RBFOX1: variants seen among roughly 807,000 people sequenced by gnomAD.
RBFOX1 encodes the protein RNA binding fox-1 homolog 1.
RBFOX1 carries 8 observed loss-of-function variants against 57.7 expected under a neutral mutation model. That is an observed-to-expected ratio of 0.14 (90% CI 0.08 to 0.25). The LOEUF (loss-of-function observed/expected upper bound fraction) is 0.25, where lower values mean the gene tolerates loss of function less well. RBFOX1 is among the 10% of genes least tolerant of loss of function. RBFOX1 has a pLI of 1.00. For synonymous variants in RBFOX1, 326 were observed against 222.4 expected, an observed-to-expected ratio of 1.47 and a Z score of -4.15; for missense variants, 611 against 548.5, an observed-to-expected ratio of 1.11 and a Z score of -1.14.
At chr16:7,412,969 G>A (rs1023972065) in intron 4 of RBFOX1, among the ~76,000 whole-genome samples, 1 of 152,174 alleles carries the variant, frequency 6.6e-6, no homozygotes, top group Non-Finnish European at 1.5e-5. Context: ...GTGAACCCGG[G>A]AGGCGGAGCT....
intron 4 of RBFOX1, among the ~76,000 whole-genome samples, chr16:7,330,548 A>AGAGG (rs1180282300): frequency 6.0e-5 from 9 of 149,142 alleles, no homozygotes; most frequent in South Asian, 4.3e-4. Flanking sequence ...AGAGAGAGAG[A>AGAGG]AAGTTACATA....
intron 3 of RBFOX1, among the ~76,000 whole-genome samples, chr16:6,911,107 A>G (rs1426740878): frequency 1.3e-5 from 2 of 151,924 alleles, no homozygotes; most frequent in African/African-American, 4.8e-5. Flanking sequence ...AGGCTGAGGC[A>G]GGACAATCGC....
chr16:5,943,070 C>A (rs974561661), intron 4 of RBFOX1, among the ~76,000 whole-genome samples: 3 of 152,156 alleles, frequency 2.0e-5, no homozygotes, highest in Non-Finnish European at 4.4e-5. Context: ...TGTTCCTATT[C>A]CCTCATCAGA....
chr16:7,495,074 G>A (rs536491206), intron 4 of RBFOX1, among the ~76,000 whole-genome samples: 7 of 152,068 alleles, frequency 4.6e-5, no homozygotes, highest in African/African-American at 7.2e-5. Context: ...TGTGATACTC[G>A]TTTTCTGTTC....
At chr16:5,386,046 A>T (rs535144387) in intron 1 of RBFOX1, among the ~76,000 whole-genome samples, 2 of 151,940 alleles carry the variant, frequency 1.3e-5, no homozygotes, top group South Asian at 4.2e-4. Flanking sequence ...TAGGGAAGGG[A>T]CTGTGTTTGC....
intron 10 of RBFOX1, among the ~76,000 whole-genome samples, chr16:7,620,893 C>A (rs1568135179): frequency 6.6e-6 from 1 of 152,122 alleles, no homozygotes; most frequent in East Asian, 1.9e-4. Flanking sequence ...TGGAGTACAT[C>A]TTGTATAGCA....
At chr16:5,423,451 T>G (rs188031535) in intron 1 of RBFOX1, among the ~76,000 whole-genome samples, 11 of 152,282 alleles carry the variant, frequency 7.2e-5, no homozygotes, top group Admixed American at 6.5e-4. Flanking sequence ...GTGATATCCC[T>G]TTATCCTGGC....
chr16:5,909,185 C>T lies in RBFOX1; in HGVS notation c.351+41850C>T, dbSNP rs142165050. 3.5e-3 allele frequency among the ~76,000 whole-genome samples: 519 copies of T among 150,230 alleles called. 2 individuals carry two copies. The highest frequency in any genetic ancestry group is 0.012 in the African/African-American group (487 of 40,794). On this transcript the variant is annotated intron_variant, in intron 4 of 19. Coordinates refer to the RBFOX1 transcript ENST00000641259. ...TGGGCTCACTGCAAGCTCCGCCTCC[C>T]GGGTTCACGCCATTCTCCTGCTTCA...
intron 4 of RBFOX1, among the ~76,000 whole-genome samples, chr16:7,399,041 T>A (rs1304363241): frequency 6.6e-6 from 1 of 152,242 alleles, no homozygotes; most frequent in East Asian, 1.9e-4. Context: ...GAGTGACTGT[T>A]GGGTACTCTG....
chr16:6,880,906 T>G (rs1428259240), intron 3 of RBFOX1, among the ~76,000 whole-genome samples: 1 of 152,200 alleles, frequency 6.6e-6, no homozygotes, highest in Admixed American at 6.5e-5. Flanking sequence ...GCTGTTGAGC[T>G]TGAGCAGAGT....
chr16:5,476,128 C>T (rs564165434), intron 2 of RBFOX1, among the ~76,000 whole-genome samples: 1 of 152,266 alleles, frequency 6.6e-6, no homozygotes, highest in Admixed American at 6.5e-5. Flanking sequence ...CAGCACCACT[C>T]ACGTTTTAAT....
rs1178724701 is a variant in RBFOX1 at position 6,872,812 on chromosome 16, G to C, written c.-15-179245G>C. 2.6e-5 allele frequency among the ~76,000 whole-genome samples: 4 copies of C among 152,140 alleles called. No homozygotes were observed. The South Asian group carries it at 6.2e-4, about 24-fold the overall frequency. On this transcript the variant is annotated intron_variant, in intron 3 of 15. Transcript: ENST00000550418. ...TTGAATTGATGCCTTCGAACAAAAT[G>C]GTTAAATTCTGTTTGGGTCTTTAAA...
intron 4 of RBFOX1, among the ~76,000 whole-genome samples, chr16:7,286,774 C>A (rs1185139447): frequency 6.6e-6 from 1 of 151,798 alleles, no homozygotes; most frequent in Non-Finnish European, 1.5e-5. Context: ...CAGGTCCCTG[C>A]CACCATGCCT....
chr16:7,484,904 A>T (rs920612075), intron 4 of RBFOX1, among the ~76,000 whole-genome samples: 2 of 152,326 alleles, frequency 1.3e-5, no homozygotes, highest in Admixed American at 6.5e-5. Flanking sequence ...TGTCAGTATC[A>T]GGAAAGTAAA....
chr16:6,575,526 A>G (rs2097420222), intron 2 of RBFOX1, among the ~76,000 whole-genome samples: 1 of 152,090 alleles, frequency 6.6e-6, no homozygotes, highest in African/African-American at 2.4e-5. Flanking sequence ...CTAAAATTAA[A>G]CATGAAAACA....
intron 2 of RBFOX1, among the ~76,000 whole-genome samples, chr16:5,550,599 T>G (rs1321176434): frequency 6.6e-6 from 1 of 152,178 alleles, no homozygotes; most frequent in Non-Finnish European, 1.5e-5. Context: ...TGTTGTCAAT[T>G]CAATCACCAG....
chr16:5,366,882 C>T (rs2065731761), intron 1 of RBFOX1, among the ~76,000 whole-genome samples: 1 of 152,076 alleles, frequency 6.6e-6, no homozygotes, highest in South Asian at 2.1e-4. Context: ...GGAGCTTCAC[C>T]CTTTGCTTGG....
At chr16:5,725,798 C>T (rs1446273514) in intron 3 of RBFOX1, among the ~76,000 whole-genome samples, 2 of 151,970 alleles carry the variant, frequency 1.3e-5, no homozygotes, top group East Asian at 2.0e-4. Flanking sequence ...CCTCTCCCCA[C>T]TCAGGGCTGT....
At chr16:7,422,114 G>A (rs1040937610) in intron 4 of RBFOX1, among the ~76,000 whole-genome samples, 1 of 152,168 alleles carries the variant, frequency 6.6e-6, no homozygotes, top group African/African-American at 2.4e-5. Context: ...GGTCGAGCCT[G>A]TGATTCTGGG....
Sources: gnomAD v4.1 joint callset for allele counts (sites outside exome capture counted in the v4.1 genomes callset) on GRCh38, gnomAD v4.1.1 for gene constraint, MANE v1.5 for transcripts, NCBI Gene and HGNC (gene_info 2026-07-23, HGNC 2026-07-21) for gene names.